The following CSMD3 variants were observed in gnomAD, a reference collection of about 807,000 sequenced individuals.
CSMD3 encodes the protein CUB and Sushi multiple domains 3, also known as CUB and sushi domain-containing protein 3.
In CSMD3, 177 loss-of-function variants were observed where a neutral mutation model predicts 435.2. The observed-to-expected ratio is 0.41, with a 90% CI of 0.36 to 0.46. The LOEUF is 0.46. Ranked by LOEUF, CSMD3 falls within the 20% of genes least tolerant of loss-of-function variation. The probability of loss-of-function intolerance (pLI) is 0.34; values close to 1 mark genes in which losing one functional copy is unlikely to be tolerated. For synonymous variants in CSMD3, 1,656 were observed against 1,520.5 expected (o/e 1.09, Z -2.07); for missense variants, 4,265 against 4,504.6 (o/e 0.95, Z 1.52).
intron 32 of CSMD3, among the ~76,000 whole-genome samples, chr8:112,461,209 T>C (rs1265586202): frequency 2.0e-5 from 3 of 152,122 alleles, no homozygotes; most frequent in Non-Finnish European, 1.5e-5. Context: ...GTGTCAGAAA[T>C]GATGACTATT....
intron 22 of CSMD3, among the ~76,000 whole-genome samples, chr8:112,611,181 C>CA (rs1197902150): frequency 6.6e-6 from 1 of 152,136 alleles, no homozygotes; most frequent in Non-Finnish European, 1.5e-5. Flanking sequence ...CTGAGAAATG[C>CA]CACGCATAAT....
At chr8:112,823,237 G>T (rs2132444340) in intron 12 of CSMD3, among the ~76,000 whole-genome samples, 1 of 152,302 alleles carries the variant, frequency 6.6e-6, no homozygotes, top group South Asian at 2.1e-4. Context: ...ACCTGTGGAA[G>T]AATTTGGCTG....
chr8:112,572,889 C>T (rs1157378504), intron 24 of CSMD3, among the ~76,000 whole-genome samples: 1 of 139,184 alleles, frequency 7.2e-6, no homozygotes, highest in Non-Finnish European at 1.5e-5. Context: ...AAAACACATC[C>T]ATTTAATTCA....
At chr8:112,933,043 T>C (rs2083165595) in intron 9 of CSMD3, among the ~76,000 whole-genome samples, 1 of 152,142 alleles carries the variant, frequency 6.6e-6, no homozygotes, top group South Asian at 2.1e-4. Context: ...CTCTACTAAA[T>C]GTTAGGCAAA....
intron 5 of CSMD3, among the ~76,000 whole-genome samples, chr8:113,033,968 T>A (rs1179587419): frequency 6.6e-6 from 1 of 151,384 alleles, no homozygotes; most frequent in East Asian, 1.9e-4. Flanking sequence ...CCCTGTATAC[T>A]CTCTCTATCT....
chr8:113,201,854 T>C (rs1394494760), intron 3 of CSMD3, among the ~76,000 whole-genome samples: 1 of 152,084 alleles, frequency 6.6e-6, no homozygotes, highest in East Asian at 1.9e-4. Context: ...AAATCAAATA[T>C]GCAATTTTTC....
chr8:113,276,900 T>G (rs2093575485), intron 3 of CSMD3, among the ~76,000 whole-genome samples: 1 of 151,970 alleles, frequency 6.6e-6, no homozygotes, highest in South Asian at 2.1e-4. Flanking sequence ...TATTTTACCT[T>G]AAGTGAAAAA....
chr8:112,313,136 A>C (rs1285044541), intron 49 of CSMD3, among the ~76,000 whole-genome samples: 1 of 152,184 alleles, frequency 6.6e-6, no homozygotes, highest in Admixed American at 6.5e-5. Flanking sequence ...AGGACTATTT[A>C]TGTACATTTA....
intron 67 of CSMD3, 124 bp downstream of exon 67, chr8:112,237,066 G>A (rs1182578607): frequency 8.2e-6 from 9 of 1,092,188 alleles, no homozygotes; most frequent in Non-Finnish European, 8.3e-6. Context: ...GAATATGAAT[G>A]TCATCAAAAG....
intron 1 of CSMD3, among the ~76,000 whole-genome samples, chr8:113,422,976 T>TG (rs1210942980): frequency 6.6e-6 from 1 of 152,010 alleles, no homozygotes; most frequent in Non-Finnish European, 1.5e-5. Context: ...TGAAATATCT[T>TG]GGGGAAGGAA....
intron 3 of CSMD3, among the ~76,000 whole-genome samples, chr8:113,266,392 C>T (rs1255889629): frequency 1.3e-5 from 2 of 151,076 alleles, no homozygotes; most frequent in East Asian, 1.9e-4. Context: ...AATATACATT[C>T]TTGTTTAAGC....
chr8:112,306,798 A>C (rs1821460225), intron 50 of CSMD3, among the ~76,000 whole-genome samples: 1 of 152,150 alleles, frequency 6.6e-6, no homozygotes. Flanking sequence ...CCTAGTTAGG[A>C]TCTTCCTGAA....
At chr8:112,757,885 C>T (rs2077738275) in intron 13 of CSMD3, among the ~76,000 whole-genome samples, 1 of 151,924 alleles carries the variant, frequency 6.6e-6, no homozygotes, top group Admixed American at 6.6e-5. Flanking sequence ...GAGACCCCAT[C>T]TCTATAAAAA....
chr8:112,780,853 G>A (rs2078366489), intron 13 of CSMD3, among the ~76,000 whole-genome samples: 1 of 151,986 alleles, frequency 6.6e-6, no homozygotes, highest in South Asian at 2.1e-4. Flanking sequence ...GGCGAAAGTG[G>A]TCTGGGCTCT....
intron 23 of CSMD3, among the ~76,000 whole-genome samples, chr8:112,584,065 G>A (rs926977710): frequency 9.2e-5 from 14 of 151,596 alleles, no homozygotes; most frequent in Non-Finnish European, 1.9e-4. Flanking sequence ...TTTCAATCTG[G>A]TATAAAGTTA....
chr8:113,301,316 T>A (rs1388885491), intron 2 of CSMD3, among the ~76,000 whole-genome samples: 2 of 152,128 alleles, frequency 1.3e-5, no homozygotes, highest in Non-Finnish European at 2.9e-5. Flanking sequence ...TCTTAAAATA[T>A]AGTAATAGAG....
intron 1 of CSMD3, among the ~76,000 whole-genome samples, chr8:113,431,715 G>GT (rs200897863): frequency 0.057 from 8,497 of 147,816 alleles, 451 homozygotes; most frequent in East Asian, 0.17. Context: ...TAAGGTCAGA[G>GT]TTTTTTTTTT....
intron 22 of CSMD3, among the ~76,000 whole-genome samples, chr8:112,617,824 C>T (rs1399483782): frequency 6.6e-6 from 1 of 152,104 alleles, no homozygotes; most frequent in South Asian, 2.1e-4. Context: ...ATCCAAGATA[C>T]TTCTCAATGT....
chr8:112,428,107 C>T (rs1242081017), intron 32 of CSMD3, among the ~76,000 whole-genome samples: 2 of 152,126 alleles, frequency 1.3e-5, no homozygotes, highest in Non-Finnish European at 2.9e-5. Context: ...ACCATCACTG[C>T]AACTACTATT....
Sources: allele counts gnomAD v4.1 joint callset (sites outside exome capture counted in the v4.1 genomes callset), GRCh38; gene constraint gnomAD v4.1.1; transcripts MANE v1.5; gene names NCBI Gene and HGNC (gene_info 2026-07-23, HGNC 2026-07-21).